The following HCK variants were observed in gnomAD, a reference collection of about 807,000 sequenced individuals.
The protein encoded by HCK is tyrosine-protein kinase HCK.
A neutral mutation model predicts 70.4 loss-of-function variants in HCK; 40 were observed. The ratio of observed to expected loss-of-function variants is 0.57; its 90% CI spans 0.44 to 0.74. The LOEUF (loss-of-function observed/expected upper bound fraction) is 0.74, where lower values mean the gene tolerates loss of function less well. Among genes scored for constraint, HCK ranks in the 30% least tolerant of loss-of-function variants. The pLI is 0.00. For missense variants in HCK, 568 were observed against 697.2 expected (o/e 0.81, Z 2.09); for synonymous variants, 245 against 263.2 (o/e 0.93, Z 0.67).
intron 11 of HCK, among the ~76,000 whole-genome samples, chr20:32,095,769 G>A (rs1052901154): frequency 2.0e-5 from 3 of 152,154 alleles, no homozygotes; most frequent in East Asian, 1.9e-4. Context: ...ATTCTATCTC[G>A]ATAAAGCTGT....
At chr20:32,077,649 C>T (rs1405013250) in intron 5 of HCK, among the ~76,000 whole-genome samples, 1 of 152,126 alleles carries the variant, frequency 6.6e-6, no homozygotes, top group Non-Finnish European at 1.5e-5. Flanking sequence ...GCCTCAGCCT[C>T]CCAAGTAGCT....
intron 10 of HCK, among the ~76,000 whole-genome samples, chr20:32,088,885 C>T (rs983459750): frequency 2.6e-5 from 4 of 152,030 alleles, no homozygotes; most frequent in African/African-American, 7.3e-5. Context: ...AACAAACCAT[C>T]CAAGTCCTAG....
At chr20:32,101,199 GGCTCA>G in intron 12 of HCK, 113 bp from the exon 13 acceptor site, 4 of 826,984 alleles carry the variant, frequency 4.8e-6, no homozygotes, top group Non-Finnish European at 7.8e-6. Context: ...CAGTGGAAGG[GGCTCA>G]GCTTGCAAGG....
rs1254427382 is a variant in HCK at position 32,052,303 on chromosome 20, TCAGA to T, written c.-118_-115del. 7.6e-6 allele frequency: 5 copies of T among 657,024 alleles called. No individual in the cohort carries two copies. The highest frequency in any genetic ancestry group is 2.8e-4 in the Middle Eastern group (1 of 3,606). The allele number at this position is 657,024 out of a possible 1,614,324, so 40.7% of individuals were successfully genotyped here. On this transcript the variant is annotated 5_prime_UTR_variant, in exon 1 of 13. Transcript: ENST00000375852. ...GGCTTAGAGGCGAGTGGGAAGGGACTCAGACAGTGCAGGACGAGAAACGCCCGCG... is the reference window on the plus strand; with the variant it reads ...GGCTTAGAGGCGAGTGGGAAGGGACTCAGTGCAGGACGAGAAACGCCCGCG...
At chr20:32,073,857 T>C in intron 4 of HCK, 39 bp downstream of exon 4, 1 of 1,204,474 alleles carries the variant, frequency 8.3e-7, no homozygotes, top group Non-Finnish European at 1.2e-6. Context: ...CAGACCTGCC[T>C]CCTCTACTCA....
At chr20:32,079,640 A>G (rs1761684291) in intron 5 of HCK, 134 bp from the exon 6 acceptor site, 5 of 597,178 alleles carry the variant, frequency 8.4e-6, no homozygotes, top group Non-Finnish European at 1.5e-5. Flanking sequence ...TTTGAGTAAA[A>G]CTGATGCTGC....
At chr20:32,086,518 A>T in intron 8 of HCK, 110 bp from the exon 9 acceptor site, 1 of 864,048 alleles carries the variant, frequency 1.2e-6, no homozygotes, top group Non-Finnish European at 1.7e-6. Context: ...GAGAGTTGAG[A>T]TGAGCAGGAA....
intron 5 of HCK, among the ~76,000 whole-genome samples, chr20:32,075,394 G>T (rs1432258980): frequency 6.6e-6 from 1 of 151,948 alleles, no homozygotes; most frequent in African/African-American, 2.4e-5. Flanking sequence ...GTAGAGAGGG[G>T]GTCTCTCTGT....
Position 32,063,992 on chromosome 20 carries a change from C to CT in HCK, c.63-7641dup, listed in dbSNP as rs58620860. Among the ~76,000 whole-genome samples the CT allele has an allele frequency of 1.5e-3, 83 of 54,242 alleles. 6 individuals are homozygous for CT. The highest frequency in any genetic ancestry group is 0.017 in the Middle Eastern group (1 of 60). 35.6% of individuals were successfully genotyped at this position (54,242 alleles called of 152,430 possible). ...TTGAATCACATGCCCATCTCTACTTCTTTTTTTTTTTTTTTTTTTTTTTTT... is the reference window on the plus strand; with the variant it reads ...TTGAATCACATGCCCATCTCTACTTCTTTTTTTTTTTTTTTTTTTTTTTTTT... On this transcript the variant is annotated intron_variant, in intron 1 of 12. Coordinates refer to ENST00000375852, the MANE Select transcript of HCK (RefSeq NM_002110.5).
At chr20:32,084,309 A>G in intron 7 of HCK, 82 bp from the exon 8 acceptor site, 2 of 1,424,722 alleles carry the variant, frequency 1.4e-6, no homozygotes, top group Non-Finnish European at 9.4e-7. Context: ...GATCCAGTGG[A>G]CCAGGTAGGG....
chr20:32,056,478 T>C (rs997078156), intron 1 of HCK, among the ~76,000 whole-genome samples: 5 of 151,714 alleles, frequency 3.3e-5, no homozygotes, highest in Non-Finnish European at 7.4e-5. Context: ...ATCGAGCCAC[T>C]GCACTCTAGC....
At chr20:32,081,299 G>C (rs1336553243) in intron 6 of HCK, among the ~76,000 whole-genome samples, 1 of 152,090 alleles carries the variant, frequency 6.6e-6, no homozygotes, top group East Asian at 1.9e-4. Context: ...GTGCTGCAAG[G>C]GTGGATTCAT....
At chr20:32,053,157 A>C (rs933374024) in intron 1 of HCK, among the ~76,000 whole-genome samples, 3 of 152,132 alleles carry the variant, frequency 2.0e-5, no homozygotes, top group Non-Finnish European at 4.4e-5. Flanking sequence ...AGGATGCAGG[A>C]AATTGGAGTA....
rs1198933032 is a variant in HCK, at chr20:32,100,980, T to C, written c.1379-337T>C. Among the ~76,000 whole-genome samples the C allele has an allele frequency of 2.6e-5, 4 of 152,202 alleles. No homozygotes were observed. In the East Asian group the frequency reaches 7.7e-4, roughly 29 times the overall value. ...CCTGTCTCTATGATGGTCTTCTCCATGTTGTCAGCTCCAAGTATCATAAGT... is the reference window on the plus strand; with the variant it reads ...CCTGTCTCTATGATGGTCTTCTCCACGTTGTCAGCTCCAAGTATCATAAGT... On this transcript the variant is annotated intron_variant, in intron 12 of 12. Transcript: ENST00000375852.
chr20:32,059,857 T>C (rs1370761507), intron 1 of HCK, among the ~76,000 whole-genome samples: 1 of 152,234 alleles, frequency 6.6e-6, no homozygotes, highest in East Asian at 1.9e-4. Flanking sequence ...CACTAATGTT[T>C]TACTAGGTGG....
intron 1 of HCK, among the ~76,000 whole-genome samples, chr20:32,066,644 A>G (rs2045464000): frequency 6.6e-6 from 1 of 152,064 alleles, no homozygotes; most frequent in Admixed American, 6.5e-5. Context: ...GCCACAGAAC[A>G]AATTCTCTTT....
In HCK at chr20:32,067,654, G is replaced by C. The variant is rs1469922609; in HGVS notation, c.63-4008G>C. ...TCACTGTGCATGACACTCCTACTGT[G>C]TGCCAGGAGACACTGGGCTAAGCAC... On this transcript the variant is annotated intron_variant, in intron 1 of 12. Transcript: ENST00000375852. Among the ~76,000 whole-genome samples the C allele has an allele frequency of 2.8e-5, 4 of 145,180 alleles. No homozygotes were observed. In the East Asian group the frequency reaches 6.2e-4, roughly 22 times the overall value.
chr20:32,074,693 G>T lies in HCK; in HGVS notation c.400G>T (p.Ala134Ser), dbSNP rs761716878. The stretch of plus-strand genomic sequence containing the variant: ...GGGCTACATCCCAAGCAACTATGTC[G>T]CCCGCGTTGACTCTCTGGAGACAGA... Residue 134 changes from alanine (A) to serine (S), a missense_variant, in exon 5 of 13, where the codon GCC becomes TCC. Around this residue, in one of 4 missense-constraint regions of HCK, gnomAD observed 318 missense variants for 336.0 expected, o/e 0.95. Coordinates refer to ENST00000375852, the MANE Select transcript of HCK (RefSeq NM_002110.5). 3.1e-6 allele frequency: 5 copies of T among 1,613,654 alleles called. No individual in the cohort carries two copies. Among genetic ancestry groups the T allele is most frequent in the African/African-American group, 1.3e-5 (1 of 74,886 alleles).
chr20:32,061,746 T>C (rs2045380503), intron 1 of HCK, among the ~76,000 whole-genome samples: 1 of 151,780 alleles, frequency 6.6e-6, no homozygotes, highest in African/African-American at 2.4e-5. Context: ...AGTTGGTGAG[T>C]TGAAGAAGAG....
Sources: allele counts gnomAD v4.1 joint callset (sites outside exome capture counted in the v4.1 genomes callset), GRCh38; gene constraint gnomAD v4.1.1; regional missense constraint gnomAD v4.1.1; transcripts MANE v1.5; gene names NCBI Gene and HGNC (gene_info 2026-07-23, HGNC 2026-07-21).